The following MED17 variants were observed in gnomAD, a reference collection of about 807,000 sequenced individuals.
MED17 encodes the protein mediator complex subunit 17.
A neutral mutation model predicts 80.8 loss-of-function variants in MED17; 49 were observed. That is an observed-to-expected ratio of 0.61 (90% CI 0.48 to 0.77). MED17 has a LOEUF of 0.77. Among genes scored for constraint, MED17 ranks in the 30% least tolerant of loss-of-function variants. MED17 has a pLI of 0.00. For synonymous variants in MED17, 281 were observed against 280.4 expected, an observed-to-expected ratio of 1.00 and a Z score of -0.02; for missense variants, 718 against 787.0, an observed-to-expected ratio of 0.91 and a Z score of 1.05.
chr11:93,784,362 A>C lies in MED17; in HGVS notation c.-152A>C, dbSNP rs1943744457. On this transcript the variant is annotated 5_prime_UTR_variant, in exon 1 of 12. Transcript: ENST00000251871. ...TTGCTGGGCCAGCTCCTTTGTTTCC[A>C]GTCTGAGCGTTGCGTTCGGTTTCCC... 1 of 992,754 alleles carries C rather than the reference A, an allele frequency of 1.0e-6. No homozygotes were observed. The highest frequency in any genetic ancestry group is 1.4e-6 in the Non-Finnish European group (1 of 697,630). The allele number at this position is 992,754 out of a possible 1,614,324, so 61.5% of individuals were successfully genotyped here. A position where few individuals can be genotyped will look rare whatever the true frequency, so the allele number is the denominator to read the frequency against.
intron 8 of MED17, among the ~76,000 whole-genome samples, chr11:93,798,730 T>A (rs186129226): frequency 1.2e-4 from 18 of 152,260 alleles, no homozygotes; most frequent in Admixed American, 1.2e-3. Flanking sequence ...ATAGCAGGTA[T>A]AGGAGTGGGG....
Position 93,795,286 on chromosome 11 carries a change from C to T in MED17, c.1012+226C>T, listed in dbSNP as rs899551230. The T allele has an allele frequency of 1.8e-5, 11 of 598,346 alleles. No homozygotes were observed. The Admixed American group carries it at 3.0e-4, about 16-fold the overall frequency. The allele number at this position is 598,346 out of a possible 1,614,324, so 37.1% of individuals were successfully genotyped here. On this transcript the variant is annotated intron_variant, in intron 6 of 11. Transcript: ENST00000251871. ...TTTTAAGCTACATATTAAAAATTTG[C>T]ACTTATGTAGTCATTATTGTGGTCA...
chr11:93,809,629 C>T, intron 10 of MED17, 88 bp from the exon 11 acceptor site: 2 of 1,416,816 alleles, frequency 1.4e-6, no homozygotes, highest in South Asian at 2.3e-5. Flanking sequence ...AGTGAGCACC[C>T]CAACAAAAGT....
Position 93,793,992 on chromosome 11 carries a change from C to T in MED17, c.816C>T (p.Gly272=), listed in dbSNP as rs1638533702. 4.3e-6 allele frequency: 7 copies of T among 1,613,882 alleles called. No individual in the cohort carries two copies. The highest frequency in any genetic ancestry group is 1.3e-5 in the African/African-American group (1 of 74,912). The change falls in exon 5 of 12, where the codon GGC becomes GGT. Residue 272 remains glycine, a synonymous_variant. Transcript: ENST00000251871. The part of the protein sequence containing the change: ...QKQAPDIGDL[G]TVNLFKRPLP... ...AGGCTCCAGATATAGGTGACCTCGGCACAGTTAACCTCTTCAAACGACCTT... is the reference window on the plus strand; with the variant it reads ...AGGCTCCAGATATAGGTGACCTCGGTACAGTTAACCTCTTCAAACGACCTT...
intron 9 of MED17, among the ~76,000 whole-genome samples, chr11:93,805,316 C>G (rs1944012080): frequency 6.6e-6 from 1 of 152,196 alleles, no homozygotes; most frequent in South Asian, 2.1e-4. Flanking sequence ...GGACATTTGG[C>G]TGGGCACAGT....
chr11:93,795,191 A>G (rs890884085), intron 6 of MED17, 131 bp downstream of exon 6: 15 of 980,740 alleles, frequency 1.5e-5, no homozygotes, highest in East Asian at 4.8e-5. Flanking sequence ...CCATAGTGAC[A>G]GCCAGTAAAG....
intron 8 of MED17, 73 bp downstream of exon 8, chr11:93,797,792 C>T: frequency 3.6e-6 from 5 of 1,396,984 alleles, no homozygotes; most frequent in Non-Finnish European, 3.0e-6. Flanking sequence ...TATTTCATAA[C>T]ACTTTTTTGG....
At chr11:93,787,701 CT>C in intron 1 of MED17, among the ~76,000 whole-genome samples, 1 of 152,094 alleles carries the variant, frequency 6.6e-6, no homozygotes, top group African/African-American at 2.4e-5. Context: ...GTTCTAAACA[CT>C]GTAAGAAGAT....
rs1442864018 is a variant in MED17, at chr11:93,790,553, T to C, written c.418-21T>C. 1.9e-6 allele frequency: 3 copies of C among 1,600,256 alleles called. 1 individual carries two copies. The South Asian group carries it at 3.3e-5, about 18-fold the overall frequency. On this transcript the variant is annotated intron_variant, in intron 2 of 11. Coordinates refer to ENST00000251871, the MANE Select transcript of MED17 (RefSeq NM_004268.5). ...CATTTAAAAATCCTGCAGAACTGCA[T>C]GTTTGGGTTGTTTTTGACAGAATCC... is the stretch of plus-strand genomic sequence containing the variant.
rs2135724267 is a variant in MED17, at chr11:93,811,942, G to A, written c.1834G>A (p.Asp612Asn). The change falls in exon 12 of 12, where the codon GAT (aspartate) becomes AAT (asparagine). Residue 612 changes from aspartate (D) to asparagine (N), a missense_variant. Coordinates refer to ENST00000251871, the MANE Select transcript of MED17 (RefSeq NM_004268.5). ...CCTTCCAAAAAGTGATGTTTTACAA[G>A]ATAACAAATGGAGTCATCTTCGTGG... ...KDLPKSDVLQDNKWSHLRGPF... is the reference protein window; with the variant it reads ...KDLPKSDVLQNNKWSHLRGPF... 3 of 1,614,048 alleles carry A rather than the reference G, an allele frequency of 1.9e-6. No homozygotes were observed. The highest frequency in any genetic ancestry group is 1.7e-6 in the Non-Finnish European group (2 of 1,179,980).
At chr11:93,799,204 C>A (rs948126999) in intron 8 of MED17, among the ~76,000 whole-genome samples, 9 of 135,444 alleles carry the variant, frequency 6.6e-5, no homozygotes, top group Non-Finnish European at 1.2e-4. Flanking sequence ...TTTTTTGAGA[C>A]GAAGTCTCAC....
At chr11:93,803,985 G>T (rs1255363122) in intron 9 of MED17, among the ~76,000 whole-genome samples, 10 of 21,480 alleles carry the variant, frequency 4.7e-4, no homozygotes, top group African/African-American at 7.9e-4. Flanking sequence ...GTGTGTGTGT[G>T]TATATATGTG....
rs777820606 is a variant in MED17 at position 93,793,790 on chromosome 11, A to T, written c.700A>T (p.Lys234Ter). 1.2e-6 allele frequency: 2 copies of T among 1,601,666 alleles called. No individual in the cohort carries two copies. The highest frequency in any genetic ancestry group is 2.7e-5 in the African/African-American group (2 of 74,750). ...AAAGAATACAGATCTCGATCTGGAT[A>T]AAAAGATACCTGAAGATTACTGTCC... is the stretch of plus-strand genomic sequence containing the variant. The part of the protein sequence containing the change: ...VIKNTDLDLD[K>*]KIPEDYCPLD... The change falls in exon 4 of 12, where the codon AAA becomes TAA. Residue 234 changes from lysine (K) to a stop codon, truncating the protein, a stop_gained. Transcript: ENST00000251871. LOFTEE classifies it high-confidence loss of function.
chr11:93,809,705 T>G lies in MED17; in HGVS notation c.1585-12T>G. The G allele has an allele frequency of 2.5e-6, 4 of 1,614,108 alleles. No individual in the cohort carries two copies. The highest frequency in any genetic ancestry group is 3.4e-6 in the Non-Finnish European group (4 of 1,179,982). Reference sequence around the variant, plus strand: ...TGCTGACTGTCAGTCAAGTGTCCTTTTTCATTCACAGATGTCACAGCACCA... The same window carrying G: ...TGCTGACTGTCAGTCAAGTGTCCTTGTTCATTCACAGATGTCACAGCACCA... On this transcript the variant is annotated splice_polypyrimidine_tract_variant and intron_variant, in intron 10 of 11. Transcript: ENST00000251871.
At chr11:93,793,602 A>AGGG in intron 3 of MED17, 126 bp from the exon 4 acceptor site, 1 of 721,996 alleles carries the variant, frequency 1.4e-6, no homozygotes, top group East Asian at 2.7e-5. Context: ...CCCAAAACAT[A>AGGG]TGTTTTTTAG....
intron 7 of MED17, chr11:93,796,906 A>G (rs1241593106): frequency 1.0e-5 from 3 of 295,846 alleles, no homozygotes; most frequent in African/African-American, 2.2e-5. Context: ...ATCATCTACA[A>G]CTGTTTACAG....
chr11:93,802,419 G>A (rs1158681975), intron 9 of MED17, among the ~76,000 whole-genome samples: 1 of 151,764 alleles, frequency 6.6e-6, no homozygotes, highest in Admixed American at 6.6e-5. Flanking sequence ...TTGTTTTTTT[G>A]ATGGCAATTA....
intron 5 of MED17, 48 bp from the exon 6 acceptor site, chr11:93,794,860 A>G (rs781710873): frequency 3.2e-6 from 5 of 1,577,382 alleles, no homozygotes; most frequent in Middle Eastern, 1.7e-4. Context: ...AAACTAGTTA[A>G]TGCATAATAT....
At chr11:93,799,651 C>T (rs1943941075) in intron 8 of MED17, among the ~76,000 whole-genome samples, 1 of 152,186 alleles carries the variant, frequency 6.6e-6, no homozygotes, top group African/African-American at 2.4e-5. Context: ...TGGTGTGCAC[C>T]TGTAGTCCCA....
Sources: gnomAD v4.1 joint callset for allele counts (sites outside exome capture counted in the v4.1 genomes callset) on GRCh38, gnomAD v4.1.1 for gene constraint, MANE v1.5 for transcripts, NCBI Gene and HGNC (gene_info 2026-07-23, HGNC 2026-07-21) for gene names.